The following ATXN3 variants were observed in gnomAD, a reference collection of about 807,000 sequenced individuals.
ATXN3 encodes ataxin-3.
In ATXN3, 28 loss-of-function variants were observed where a neutral mutation model predicts 58.2. The ratio of observed to expected loss-of-function variants is 0.48; its 90% CI spans 0.36 to 0.66. The LOEUF is 0.66. Ranked by LOEUF, ATXN3 falls within the 30% of genes least tolerant of loss-of-function variation. The pLI is 0.00. For missense variants in ATXN3, 321 were observed against 422.1 expected, an observed-to-expected ratio of 0.76 and a Z score of 2.10; for synonymous variants, 113 against 138.5, an observed-to-expected ratio of 0.82 and a Z score of 1.29.
At chr14:92,076,939 CA>C (rs1157708694) in intron 9 of ATXN3, among the ~76,000 whole-genome samples, 1,706 of 59,808 alleles carry the variant, frequency 0.029, 15 homozygotes, top group South Asian at 0.04. Context: ...GATTTCGTCT[CA>C]AAAAAAAAAA....
chr14:92,067,907 C>T (rs891795567), intron 10 of ATXN3, among the ~76,000 whole-genome samples: 1 of 152,132 alleles, frequency 6.6e-6, no homozygotes, highest in Non-Finnish European at 1.5e-5. Flanking sequence ...GGGATTACTG[C>T]TGAACGCACA....
intron 10 of ATXN3, among the ~76,000 whole-genome samples, chr14:92,067,804 A>G (rs10140481): frequency 0.29 from 43,716 of 152,028 alleles, 6,659 homozygotes; most frequent in East Asian, 0.44. Context: ...AGCACTGGCA[A>G]CAGGGAAAAG....
chr14:92,052,735 G>A (rs2057453107), upstream of ATXN3, among the ~76,000 whole-genome samples: 1 of 152,118 alleles, frequency 6.6e-6, no homozygotes, highest in African/African-American at 2.4e-5. Context: ...TACTTTCCAG[G>A]TGCCCAGAGA....
At chr14:92,067,547 C>T (rs1375743171) in intron 10 of ATXN3, among the ~76,000 whole-genome samples, 2 of 152,184 alleles carry the variant, frequency 1.3e-5, no homozygotes, top group Admixed American at 1.3e-4. Context: ...CAGGCATGTG[C>T]CACCACGCCC....
downstream of ATXN3, among the ~76,000 whole-genome samples, chr14:92,054,309 A>G (rs2140164710): frequency 6.6e-6 from 1 of 152,336 alleles, no homozygotes. Flanking sequence ...TGGTTAAGGC[A>G]TTCTAAGTCA....
In ATXN3 at chr14:92,096,682, A is replaced by C; in HGVS notation, c.181T>G (p.Phe61Val). ...GGVTSEDYRT[F>V]LQQPSGNMDD... ...GAGTTTAAAATCAGTACCTGTAAAA[A>C]CGTGCGATAATCTTCACTAGTAACT... is the stretch of plus-strand genomic sequence containing the variant. Residue 61 changes from phenylalanine (F) to valine (V), a missense_variant, in exon 2 of 11, where the codon TTT becomes GTT. Transcript: ENST00000644486. 6.2e-7 allele frequency: 1 copy of C among 1,611,312 alleles called. No homozygotes were observed. Among genetic ancestry groups the C allele is most frequent in the African/African-American group, 1.3e-5 (1 of 74,828 alleles).
At chr14:92,069,847 C>T (rs2059139791) in intron 10 of ATXN3, among the ~76,000 whole-genome samples, 1 of 152,136 alleles carries the variant, frequency 6.6e-6, no homozygotes, top group South Asian at 2.1e-4. Context: ...ATATGAGTCT[C>T]AGCTGCTTGG....
At position 92,096,132 on chromosome 14, in the gene ATXN3, A is replaced by C; in HGVS notation, c.195T>G (p.Pro65=). The C allele has an allele frequency of 9.5e-7, 1 of 1,052,128 alleles. No individual in the cohort carries two copies. Among genetic ancestry groups the C allele is most frequent in the Non-Finnish European group, 1.3e-6 (1 of 752,170 alleles). 65.2% of individuals were successfully genotyped at this position (1,052,128 alleles called of 1,614,324 possible). A position where few individuals can be genotyped will look rare whatever the true frequency, so the allele number is the denominator to read the frequency against. Residue 65 remains proline, a synonymous_variant, in exon 3 of 11, where the codon CCT becomes CCG. Transcript: ENST00000644486. ...AACCACTGTCATCCATATTTCCAGA[A>C]GGCTGCTGTTAATTTTGACAGGTAG... ...SEDYRTFLQQ[P]SGNMDDSGFF...
intron 5 of ATXN3, among the ~76,000 whole-genome samples, chr14:92,089,529 A>T (rs1595855988): frequency 1.3e-5 from 2 of 151,540 alleles, no homozygotes; most frequent in Admixed American, 1.3e-4. Context: ...TAGTAGAGAC[A>T]GGGTTTCACC....
rs990165636 is a variant in ATXN3, at chr14:92,058,732, A to G, written c.*5588T>C. On this transcript the variant is annotated 3_prime_UTR_variant, in exon 11 of 11. Transcript: ENST00000644486. ...GCAAATGAACTTAACGAGGGAGCAC[A>G]CACAGAAGGGCTGCAGGGCTGGGTC... The G allele has an allele frequency of 6.6e-6, 1 of 152,202 alleles. No individual in the cohort carries two copies. Among genetic ancestry groups the G allele is most frequent in the Admixed American group, 6.5e-5 (1 of 15,278 alleles). The allele number at this position is 152,202 out of a possible 1,614,324, so 9.4% of individuals were successfully genotyped here.
chr14:92,087,096 T>G (rs1197117685), intron 6 of ATXN3, among the ~76,000 whole-genome samples: 1 of 152,214 alleles, frequency 6.6e-6, no homozygotes, highest in East Asian at 1.9e-4. Context: ...GAGAGGAAAG[T>G]GCTTAAAGGT....
At chr14:92,088,853 ATTATAGG>A (rs776934440) in intron 5 of ATXN3, 36 bp from the exon 6 acceptor site, 124 of 1,224,392 alleles carry the variant, frequency 1.0e-4, no homozygotes, top group Non-Finnish European at 1.4e-5. Context: ...GTTAGTGTAT[ATTATAGG>A]TAATAAGGAA....
rs987233279 is a variant in ATXN3, at chr14:92,083,232, C to T, written c.502G>A (p.Asp168Asn). The change falls in exon 7 of 11, where the codon GAT becomes AAT. Residue 168 changes from aspartate (D) to asparagine (N), a missense_variant. Asp to Asn is a conservative substitution (Grantham distance 23). This residue lies in a region of ATXN3 where 121 missense variants were observed against 198.9 expected (regional missense o/e 0.61). Coordinates refer to ENST00000644486, the MANE Select transcript of ATXN3 (RefSeq NM_004993.6). ...EGYSIFVVKG[D>N]LPDCEADQLL... The stretch of plus-strand genomic sequence containing the variant: ...TGGTCAGCTTCGCAATCTGGCAGAT[C>T]ACCCTTAACGACAAATATAGAATAA... The T allele has an allele frequency of 6.2e-7, 1 of 1,612,750 alleles. No individual in the cohort carries two copies. Among genetic ancestry groups the T allele is most frequent in the Non-Finnish European group, 8.5e-7 (1 of 1,179,610 alleles).
rs146242536 is a variant in ATXN3, at chr14:92,060,591, G to C, written c.*3729C>G. 6.6e-6 allele frequency: 1 copy of C among 151,740 alleles called. No homozygotes were observed. The allele number at this position is 151,740 out of a possible 1,614,324, so 9.4% of individuals were successfully genotyped here. On this transcript the variant is annotated 3_prime_UTR_variant, in exon 11 of 11. Transcript: ENST00000644486. ...CATCAATATTAACTATTGAATCCTCGTAAGAATTTAAAACATCAAGATTTA... is the reference window on the plus strand; with the variant it reads ...CATCAATATTAACTATTGAATCCTCCTAAGAATTTAAAACATCAAGATTTA...
intron 2 of ATXN3, among the ~76,000 whole-genome samples, chr14:92,045,437 C>T (rs528379827): frequency 1.3e-5 from 2 of 152,104 alleles, no homozygotes; most frequent in South Asian, 2.1e-4. Context: ...GTGGGAAAGG[C>T]CTCTACCCAT....
At chr14:92,098,579 C>T (rs1275942345) in intron 1 of ATXN3, among the ~76,000 whole-genome samples, 1 of 152,132 alleles carries the variant, frequency 6.6e-6, no homozygotes, top group Non-Finnish European at 1.5e-5. Flanking sequence ...CAGAGCAAGA[C>T]TCTGTCTCCA....
In ATXN3 at chr14:92,094,047, G is replaced by A. The variant is rs112582313; in HGVS notation, c.235-216C>T. On this transcript the variant is annotated intron_variant, in intron 3 of 10. Coordinates refer to ENST00000644486, the MANE Select transcript of ATXN3 (RefSeq NM_004993.6). ...CAACCTCCGCCTCCCAGGTTCAAGCGATTCTCCTCCTGAGGCTCCCGAGTA... is the reference window on the plus strand; with the variant it reads ...CAACCTCCGCCTCCCAGGTTCAAGCAATTCTCCTCCTGAGGCTCCCGAGTA... Among the ~76,000 whole-genome samples, 608 of 150,924 alleles carry A rather than the reference G, an allele frequency of 4.0e-3. 3 individuals are homozygous for A. The highest frequency in any genetic ancestry group is 0.014 in the African/African-American group (573 of 41,050).
At position 92,062,696 on chromosome 14, in the gene ATXN3, C is replaced by A. The variant is rs544170451; in HGVS notation, c.*1624G>T. 6.6e-6 allele frequency: 1 copy of A among 152,448 alleles called. No homozygotes were observed. Among genetic ancestry groups the A allele is most frequent in the East Asian group, 1.9e-4 (1 of 5,186 alleles). The allele number at this position is 152,448 out of a possible 1,614,324, so 9.4% of individuals were successfully genotyped here. On this transcript the variant is annotated 3_prime_UTR_variant, in exon 11 of 11. Coordinates refer to ENST00000644486, the MANE Select transcript of ATXN3 (RefSeq NM_004993.6). ...TTTGTGTAAGGGAAACTTCAGAAAACTGATTGGCACAAAATAATGACTTAA... is the reference window on the plus strand; with the variant it reads ...TTTGTGTAAGGGAAACTTCAGAAAAATGATTGGCACAAAATAATGACTTAA...
intron 8 of ATXN3, among the ~76,000 whole-genome samples, chr14:92,081,724 T>A (rs1029237257): frequency 1.3e-5 from 2 of 151,958 alleles, no homozygotes; most frequent in African/African-American, 4.8e-5. Context: ...CAAATACATA[T>A]GAGTTAGAAA....
Sources: allele counts gnomAD v4.1 joint callset (sites outside exome capture counted in the v4.1 genomes callset), GRCh38; gene constraint gnomAD v4.1.1; regional missense constraint gnomAD v4.1.1; transcripts MANE v1.5; gene names NCBI Gene and HGNC (gene_info 2026-07-23, HGNC 2026-07-21).